The following FOXJ3 variants were observed in gnomAD, a reference collection of about 807,000 sequenced individuals.
FOXJ3 encodes the protein forkhead box protein J3.
Under a neutral mutation model 76.1 loss-of-function variants are expected in FOXJ3, and 22 were observed. The observed-to-expected ratio is 0.29, with a 90% CI of 0.21 to 0.41. FOXJ3 has a LOEUF of 0.41. FOXJ3 is among the 10% of genes least tolerant of loss of function. FOXJ3 has a pLI of 1.00. For synonymous variants in FOXJ3, 269 were observed against 261.2 expected (o/e 1.03, Z -0.29); for missense variants, 613 against 762.1 (o/e 0.80, Z 2.30).
At chr1:42,274,892 G>A in intron 3 of FOXJ3, among the ~76,000 whole-genome samples, 1 of 151,660 alleles carries the variant, frequency 6.6e-6, no homozygotes, top group Non-Finnish European at 1.5e-5. Context: ...GCGGCGGGGG[G>A]GCAAAAGAGA....
chr1:42,209,208 C>A (rs534342369), intron 5 of FOXJ3, among the ~76,000 whole-genome samples: 3 of 152,132 alleles, frequency 2.0e-5, no homozygotes. Context: ...AGTAACGTTG[C>A]GGGATACAAG....
rs77132270 is a variant in FOXJ3 at position 42,321,234 on chromosome 1, G to A, written c.-17-10124C>T. Among the ~76,000 whole-genome samples the A allele has an allele frequency of 5.0e-3, 759 of 152,138 alleles. 8 individuals are homozygous for A. Among genetic ancestry groups the A allele is most frequent in the African/African-American group, 0.017 (714 of 41,508 alleles). ...GCTGATTCTGATGTAGTCTGATTCCGGAACTACTGGTTTAGGACAACGGTT... is the reference window on the plus strand; with the variant it reads ...GCTGATTCTGATGTAGTCTGATTCCAGAACTACTGGTTTAGGACAACGGTT... On this transcript the variant is annotated intron_variant, in intron 1 of 12. Transcript: ENST00000361346.
chr1:42,256,380 T>G (rs1650588105), intron 4 of FOXJ3, among the ~76,000 whole-genome samples: 1 of 152,204 alleles, frequency 6.6e-6, no homozygotes, highest in African/African-American at 2.4e-5. Context: ...TACAACTCAG[T>G]AATAATGACA....
chr1:42,313,066 G>A (rs939679528), intron 1 of FOXJ3, among the ~76,000 whole-genome samples: 1 of 152,172 alleles, frequency 6.6e-6, no homozygotes, highest in African/African-American at 2.4e-5. Context: ...TGGGCGCAGT[G>A]GCTCATACCT....
chr1:42,331,804 G>T (rs534762012), intron 1 of FOXJ3, among the ~76,000 whole-genome samples: 4 of 146,456 alleles, frequency 2.7e-5, no homozygotes, highest in Non-Finnish European at 6.0e-5. Context: ...AATGGTATGT[G>T]AATTATACTT....
intron 4 of FOXJ3, among the ~76,000 whole-genome samples, chr1:42,236,840 A>G (rs1236711234): frequency 6.6e-6 from 1 of 152,216 alleles, no homozygotes; most frequent in Non-Finnish European, 1.5e-5. Context: ...CTTTTCAATT[A>G]TACCCTCTCT....
At chr1:42,210,658 G>A (rs1646950168) in intron 5 of FOXJ3, among the ~76,000 whole-genome samples, 2 of 152,082 alleles carry the variant, frequency 1.3e-5, no homozygotes, top group Non-Finnish European at 2.9e-5. Context: ...GCCAACACAA[G>A]CTGGCATTTG....
intron 4 of FOXJ3, among the ~76,000 whole-genome samples, chr1:42,233,080 G>T: frequency 8.5e-6 from 1 of 117,224 alleles, no homozygotes. Context: ...ATTTTTCTCA[G>T]GTTTGTCAAA....
Position 42,191,337 on chromosome 1 carries a change from T to C in FOXJ3, c.1317A>G (p.Ala439=), listed in dbSNP as rs372364680. Residue 439 remains alanine, a synonymous_variant, in exon 9 of 13, where the codon GCA becomes GCG. Transcript: ENST00000361346. Reference sequence around the variant, plus strand: ...AGGATACCTGTTGTGGGGGTGGGGGTGCCTGATGTGTTAACGTCTGATGCT... The same window carrying C: ...AGGATACCTGTTGTGGGGGTGGGGGCGCCTGATGTGTTAACGTCTGATGCT... ...NHQHQTLTHQ[A]PPPPQQVSCN... is the part of the protein sequence containing the mutation. 1 of 1,555,890 alleles carries C rather than the reference T, an allele frequency of 6.4e-7. No homozygotes were observed. Among genetic ancestry groups the C allele is most frequent in the African/African-American group, 1.4e-5 (1 of 73,804 alleles).
chr1:42,259,145 C>G (rs560368646), intron 4 of FOXJ3, among the ~76,000 whole-genome samples: 41 of 152,256 alleles, frequency 2.7e-4, no homozygotes, highest in African/African-American at 8.4e-4. Flanking sequence ...AAGCCAGACT[C>G]AGAAGGCCAT....
At chr1:42,334,837 A>G (rs576677133) in intron 1 of FOXJ3, 2 of 152,242 alleles carry the variant, frequency 1.3e-5, no homozygotes, top group African/African-American at 4.8e-5. Context: ...AGCAGCTGAG[A>G]AGCGCCGCGG....
At chr1:42,308,487 C>T (rs1361277980) in intron 2 of FOXJ3, among the ~76,000 whole-genome samples, 1 of 152,088 alleles carries the variant, frequency 6.6e-6, no homozygotes, top group Non-Finnish European at 1.5e-5. Context: ...TCTAAACATA[C>T]ATCTAAGAAT....
Position 42,188,822 on chromosome 1 carries a change from G to A in FOXJ3, c.1560C>T (p.Gly520=). ...GAACATTACTCTGTGAATGTATAAG[G>A]CCAGTTTGTGTAAAGAACTGATTAA... ...SSLNQFFTQT[G]LIHSQSNVQQ... The change falls in exon 11 of 13, where the codon GGC becomes GGT. Residue 520 remains glycine (G), a synonymous_variant. Coordinates refer to ENST00000361346, the MANE Select transcript of FOXJ3 (RefSeq NM_014947.5). The A allele has an allele frequency of 6.2e-7, 1 of 1,612,956 alleles. No homozygotes were observed. The highest frequency in any genetic ancestry group is 8.5e-7 in the Non-Finnish European group (1 of 1,179,110).
At chr1:42,319,483 G>C (rs760821663) in intron 1 of FOXJ3, among the ~76,000 whole-genome samples, 8 of 152,158 alleles carry the variant, frequency 5.3e-5, no homozygotes, top group Non-Finnish European at 7.4e-5. Context: ...CAGTTTCTTA[G>C]GGTTAGCAGT....
rs1301592221 is a variant in FOXJ3 at position 42,239,909 on chromosome 1, C to CTT, written c.445-11945_445-11944dup. On this transcript the variant is annotated intron_variant, in intron 4 of 12. Coordinates refer to ENST00000361346, the MANE Select transcript of FOXJ3 (RefSeq NM_014947.5). Reference sequence around the variant, plus strand: ...AATCTTTTGGGGTTAGCCAAATTACCTTTCCCAGGCATAACTCTCTTTAGT... The same window carrying CTT: ...AATCTTTTGGGGTTAGCCAAATTACCTTTTTCCCAGGCATAACTCTCTTTAGT... Among the ~76,000 whole-genome samples the CTT allele has an allele frequency of 3.3e-5, 5 of 152,126 alleles. 1 individual carries two copies. The highest frequency in any genetic ancestry group is 9.7e-5 in the African/African-American group (4 of 41,428).
intron 11 of FOXJ3, among the ~76,000 whole-genome samples, chr1:42,188,120 TAA>T (rs1646473582): frequency 6.6e-6 from 1 of 152,128 alleles, no homozygotes; most frequent in South Asian, 2.1e-4. Context: ...AACTTGATGA[TAA>T]GAGAAGGTAA....
rs370558753 is a variant in FOXJ3 at position 42,181,954 on chromosome 1, G to A, written c.1716C>T (p.Ile572=). ...TTCCTGGAGTGCTGAGTGCCTGTGG[G>A]ATATGAGGATAACCAGGGGGTGGCA... is the stretch of plus-strand genomic sequence containing the variant. ...SVMPPPGYPH[I]PQALSTPGTT... The change falls in exon 12 of 13, where the codon ATC becomes ATT. Residue 572 remains isoleucine, a synonymous_variant. Transcript: ENST00000361346. 1.2e-6 allele frequency: 2 copies of A among 1,613,234 alleles called. No homozygotes were observed. Among genetic ancestry groups the A allele is most frequent in the African/African-American group, 2.7e-5 (2 of 74,836 alleles).
chr1:42,191,385 G>C lies in FOXJ3; in HGVS notation c.1269C>G (p.His423Gln), dbSNP rs746345165. 2.5e-6 allele frequency: 4 copies of C among 1,605,512 alleles called. No homozygotes were observed. Among genetic ancestry groups the C allele is most frequent in the Admixed American group, 1.7e-5 (1 of 59,876 alleles). ...GCTGATGGTTCGGATGGTGCTGTAT[G>C]TGTTGATGTGGAGAGGGATGCTGGG... ...PHPQHPSPHQ[H>Q]IQHHPNHQHQ... Residue 423 changes from histidine (H) to glutamine (Q), a missense_variant, in exon 9 of 13, where the codon CAC (histidine) becomes CAG (glutamine). Around this residue, in one of 3 missense-constraint regions of FOXJ3, gnomAD observed 526 missense variants for 601.4 expected, o/e 0.87. Coordinates refer to ENST00000361346, the MANE Select transcript of FOXJ3 (RefSeq NM_014947.5).
At chr1:42,260,774 A>G (rs1044216638) in intron 4 of FOXJ3, among the ~76,000 whole-genome samples, 1 of 152,210 alleles carries the variant, frequency 6.6e-6, no homozygotes, top group Admixed American at 6.5e-5. Context: ...CCCAATCTCT[A>G]TGGTCACTGA....
Sources: allele counts gnomAD v4.1 joint callset (sites outside exome capture counted in the v4.1 genomes callset), GRCh38; gene constraint gnomAD v4.1.1; regional missense constraint gnomAD v4.1.1; transcripts MANE v1.5; gene names NCBI Gene and HGNC (gene_info 2026-07-23, HGNC 2026-07-21).